The following MAP3K15 variants were observed in gnomAD, a reference collection of about 807,000 sequenced individuals.
MAP3K15 encodes the protein MAPK/ERK kinase kinase 15.
In MAP3K15, 124 loss-of-function variants were observed where a neutral mutation model predicts 99.5. The ratio of observed to expected loss-of-function variants is 1.25; its 90% CI spans 1.08 to 1.45. The LOEUF (loss-of-function observed/expected upper bound fraction) is 1.45, where lower values mean the gene tolerates loss of function less well. Among genes scored for constraint, MAP3K15 ranks in the 40% most tolerant of loss-of-function variants. MAP3K15 has a pLI of 0.00. For synonymous variants in MAP3K15, 494 were observed against 439.6 expected (o/e 1.12, Z -1.55); for missense variants, 1,242 against 1,079.7 (o/e 1.15, Z -2.11).
At chrX:19,403,441 G>A (rs930610213) in intron 13 of MAP3K15, among the ~76,000 whole-genome samples, 2 of 105,361 alleles carry the variant, frequency 1.9e-5, no homozygotes, top group South Asian at 8.4e-4. Flanking sequence ...TGATTCCCTA[G>A]TCTGCTATTT....
chrX:19,499,854 C>T (rs1190548605), intron 1 of MAP3K15, among the ~76,000 whole-genome samples: 2 of 112,075 alleles, frequency 1.8e-5, no homozygotes, highest in Non-Finnish European at 3.8e-5. Flanking sequence ...CTCTATATTG[C>T]GATGGGGGTT....
chrX:19,403,122 G>A (rs2063620711), intron 13 of MAP3K15, among the ~76,000 whole-genome samples: 1 of 111,788 alleles, frequency 8.9e-6, no homozygotes, highest in Admixed American at 9.5e-5. Flanking sequence ...GGGGCACAAA[G>A]CAACTTCTGG....
intron 3 of MAP3K15, among the ~76,000 whole-genome samples, chrX:19,468,189 G>C (rs2064182056): frequency 8.9e-6 from 1 of 112,065 alleles, no homozygotes; most frequent in African/African-American, 3.2e-5. Flanking sequence ...TTGGTGGCTG[G>C]CAATTAAGAG....
chrX:19,445,529 G>T (rs1237813675), intron 6 of MAP3K15, among the ~76,000 whole-genome samples: 3 of 103,765 alleles, frequency 2.9e-5, no homozygotes, highest in Non-Finnish European at 5.9e-5. Flanking sequence ...GGCAGAGGTT[G>T]CAGTGAGCTG....
intron 9 of MAP3K15, among the ~76,000 whole-genome samples, chrX:19,422,904 C>T (rs2063798461): frequency 9.1e-6 from 1 of 110,116 alleles, no homozygotes; most frequent in African/African-American, 3.3e-5. Flanking sequence ...TGGAAACCAT[C>T]ATTCTCAGCA....
rs755116175 is a variant in MAP3K15, at chrX:19,372,636, C to T, written c.3108+17G>A. 1.7e-6 allele frequency: 2 copies of T among 1,190,070 alleles called. No homozygotes were observed. The highest frequency in any genetic ancestry group is 2.3e-6 in the Non-Finnish European group (2 of 881,638). ...AGAGGGAGCGGGAAGAGTCGGTGCC[C>T]TCCCTCGGGCAAATACCTGGGCCAC... On this transcript the variant is annotated intron_variant, in intron 22 of 28. Coordinates refer to ENST00000338883, the MANE Select transcript of MAP3K15 (RefSeq NM_001001671.4).
intron 1 of MAP3K15, among the ~76,000 whole-genome samples, chrX:19,511,702 G>A (rs1238000474): frequency 1.8e-5 from 2 of 112,100 alleles, no homozygotes; most frequent in South Asian, 7.4e-4. Context: ...AAATAGGAAT[G>A]CTTTTACACT....
intron 14 of MAP3K15, among the ~76,000 whole-genome samples, chrX:19,399,739 CAAAAAAAAAAAAAAAA>C: frequency 5.6e-5 from 2 of 35,496 alleles, no homozygotes; most frequent in South Asian, 3.8e-3. Flanking sequence ...ACTCTGTTTC[CAAAAAAAAAAAAAAAA>C]AAAAAAAAAA....
intron 1 of MAP3K15, among the ~76,000 whole-genome samples, chrX:19,491,669 C>T (rs970259840): frequency 9.1e-6 from 1 of 110,414 alleles, no homozygotes; most frequent in African/African-American, 3.3e-5. Flanking sequence ...AATGGGAAAC[C>T]TATGGTTGGG....
chrX:19,409,962 G>A lies in MAP3K15; in HGVS notation c.1710C>T (p.His570=), dbSNP rs369231619. 1.6e-4 allele frequency: 188 copies of A among 1,202,611 alleles called. No individual in the cohort carries two copies. Among genetic ancestry groups the A allele is most frequent in the Middle Eastern group, 1.4e-3 (6 of 4,330 alleles). Residue 570 remains histidine (H), a synonymous_variant, in exon 12 of 29, where the codon CAC becomes CAT. Transcript: ENST00000338883. ...HVSPTEMKQM[H]EWNFTASSIK... ...TGGAAGAGGCTGTAAAATTCCATTCGTGCATCTGTTTCTGCAAGTTATCAA... is the reference window on the plus strand; with the variant it reads ...TGGAAGAGGCTGTAAAATTCCATTCATGCATCTGTTTCTGCAAGTTATCAA...
chrX:19,466,244 T>A (rs2064168393), intron 3 of MAP3K15, among the ~76,000 whole-genome samples: 1 of 111,989 alleles, frequency 8.9e-6, no homozygotes, highest in Admixed American at 9.5e-5. Flanking sequence ...TTAAATGCCA[T>A]TTACATATTC....
At chrX:19,465,039 G>A (rs368707915) in intron 3 of MAP3K15, among the ~76,000 whole-genome samples, 35 of 109,966 alleles carry the variant, frequency 3.2e-4, no homozygotes, top group East Asian at 5.8e-4. Flanking sequence ...CTAAAGGTGC[G>A]TGCCACCATG....
intron 2 of MAP3K15, 50 bp from the exon 3 acceptor site, chrX:19,486,555 T>G: frequency 1.5e-6 from 1 of 666,040 alleles, no homozygotes; most frequent in Non-Finnish European, 2.1e-6. Context: ...AACAGCTAAT[T>G]TCCATAAGCA....
intron 21 of MAP3K15, chrX:19,373,142 G>A (rs1029727137): frequency 4.8e-6 from 1 of 210,160 alleles, no homozygotes; most frequent in African/African-American, 3.4e-5. Flanking sequence ...GGGGAAGGAG[G>A]AAGAGAGAGG....
At chrX:19,488,802 C>G in intron 2 of MAP3K15, 26 bp downstream of exon 2, 1 of 1,177,755 alleles carries the variant, frequency 8.5e-7, no homozygotes, top group Non-Finnish European at 1.1e-6. Context: ...AAACAAAGTA[C>G]TCAGGAGAAG....
intron 18 of MAP3K15, among the ~76,000 whole-genome samples, chrX:19,386,739 G>A (rs913358964): frequency 4.5e-5 from 5 of 111,634 alleles, no homozygotes; most frequent in African/African-American, 1.3e-4. Context: ...CACAGCAGAA[G>A]ACACAAGTTT....
In MAP3K15 at chrX:19,371,520, T is replaced by G. The variant is rs2063375763; in HGVS notation, c.3119A>C (p.Glu1040Ala). The change falls in exon 23 of 29, where the codon GAG becomes GCG. Residue 1040 changes from glutamate (E) to alanine (A), a missense_variant. Glu to Ala is a moderately radical substitution (Grantham distance 107, BLOSUM62 -1). Transcript: ENST00000338883. Reference protein sequence around the residue: ...LQECVAQSSEELHLSVGHIKQ... With the variant: ...LQECVAQSSEALHLSVGHIKQ... Reference sequence around the variant, plus strand: ...GATGTGTCCAACTGAGAGATGCAACTCTTCGGAACTCTGAAAACACACACA... The same window carrying G: ...GATGTGTCCAACTGAGAGATGCAACGCTTCGGAACTCTGAAAACACACACA... 5.9e-6 allele frequency: 7 copies of G among 1,194,694 alleles called. No homozygotes were observed. The African/African-American group carries it at 7.0e-5, about 12-fold the overall frequency.
intron 18 of MAP3K15, among the ~76,000 whole-genome samples, chrX:19,384,633 C>G (rs1357439815): frequency 9.4e-6 from 1 of 106,451 alleles, no homozygotes; most frequent in Non-Finnish European, 1.9e-5. Context: ...GTCTCAGCTA[C>G]TTGGAAGGCT....
At chrX:19,395,618 CAG>C (rs898741779) in intron 15 of MAP3K15, among the ~76,000 whole-genome samples, 3 of 111,685 alleles carry the variant, frequency 2.7e-5, no homozygotes, top group African/African-American at 9.8e-5. Flanking sequence ...TCTTATTCTA[CAG>C]AGTCGCCCCA....
Sources: allele counts gnomAD v4.1 joint callset (sites outside exome capture counted in the v4.1 genomes callset), GRCh38; gene constraint gnomAD v4.1.1; transcripts MANE v1.5; gene names NCBI Gene and HGNC (gene_info 2026-07-23, HGNC 2026-07-21).